Variants in COX15 observed in about 807,000 individuals in gnomAD.
The protein encoded by COX15 is heme A synthase COX15.
A neutral mutation model predicts 51.9 loss-of-function variants in COX15; 51 were observed. The observed-to-expected ratio is 0.98, with a 90% CI of 0.78 to 1.24. The LOEUF is 1.24. COX15 is among the 50% of genes most tolerant of loss of function. The probability of loss-of-function intolerance (pLI) is 0.00; values close to 1 mark genes in which losing one functional copy is unlikely to be tolerated. For synonymous variants in COX15, 188 were observed against 190.5 expected, an observed-to-expected ratio of 0.99 and a Z score of 0.11; for missense variants, 420 against 501.1, an observed-to-expected ratio of 0.84 and a Z score of 1.55.
downstream of COX15, chr10:99,710,184 C>T (rs1474948953): frequency 1.0e-6 from 1 of 985,286 alleles, no homozygotes; most frequent in Non-Finnish European, 1.2e-6. Flanking sequence ...CTAAGTGGCC[C>T]CTCCTACAGA....
chr10:99,721,778 A>C lies in COX15; in HGVS notation c.751-710T>G, dbSNP rs368551182. The stretch of plus-strand genomic sequence containing the variant: ...CATCTACCTAAGGAGAGCTTGAAAC[A>C]TGTGGCTAGTATGACTGAAAATTAA... On this transcript the variant is annotated intron_variant, in intron 5 of 8. Coordinates refer to ENST00000016171, the MANE Select transcript of COX15 (RefSeq NM_078470.6). Among the ~76,000 whole-genome samples the C allele has an allele frequency of 4.2e-3, 644 of 152,294 alleles. 5 individuals carry two copies. Among genetic ancestry groups the C allele is most frequent in the South Asian group, 0.031 (148 of 4,830 alleles).
chr10:99,720,930 G>A (rs1156404225), intron 6 of COX15, 57 bp downstream of exon 6: 2 of 1,377,094 alleles, frequency 1.5e-6, no homozygotes, highest in African/African-American at 2.8e-5. Flanking sequence ...CATTAGGCAA[G>A]AGGTCCCAGC....
In COX15 at chr10:99,714,422, C is replaced by T; in HGVS notation, c.*165G>A. 6.7e-7 allele frequency: 1 copy of T among 1,492,816 alleles called. No individual in the cohort carries two copies. Among genetic ancestry groups the T allele is most frequent in the Non-Finnish European group, 8.9e-7 (1 of 1,124,178 alleles). 92.5% of individuals were successfully genotyped at this position (1,492,816 alleles called of 1,614,324 possible). A position where few individuals can be genotyped will look rare whatever the true frequency, so the allele number is the denominator to read the frequency against. On this transcript the variant is annotated 3_prime_UTR_variant, in exon 9 of 9. Coordinates refer to ENST00000016171, the MANE Select transcript of COX15 (RefSeq NM_078470.6). ...TTAGGGTAACCACACTTAATGCATT[C>T]TTGATCCAGTGACTATCTCAAAACA...
downstream of COX15, chr10:99,706,279 G>A (rs554679618): frequency 2.6e-5 from 4 of 151,824 alleles, no homozygotes; most frequent in Admixed American, 6.6e-5. Flanking sequence ...AAGATGACCA[G>A]TCTTGTATTG....
the COX15 span, among the ~76,000 whole-genome samples, chr10:99,694,738 T>C: frequency 3.9e-5 from 6 of 152,140 alleles, no homozygotes; most frequent in Non-Finnish European, 7.4e-5. Context: ...AGTTTCACCA[T>C]GTTGGCCAGG....
At chr10:99,703,980 C>T in the COX15 span, among the ~76,000 whole-genome samples, 1 of 152,176 alleles carries the variant, frequency 6.6e-6, no homozygotes. Flanking sequence ...CCTGGCCTGG[C>T]CTCCCAAAGT....
chr10:99,697,157 T>C, the COX15 span, among the ~76,000 whole-genome samples: 1 of 152,214 alleles, frequency 6.6e-6, no homozygotes, highest in Admixed American at 6.5e-5. Flanking sequence ...TTGTAAGTCT[T>C]AGTCTCTAGG....
At chr10:99,703,531 A>G in the COX15 span, among the ~76,000 whole-genome samples, 1 of 152,244 alleles carries the variant, frequency 6.6e-6, no homozygotes, top group Admixed American at 6.5e-5. Context: ...CTAGAAGAAC[A>G]CTGCAGGTCA....
chr10:99,724,937 G>A (rs917309178), intron 4 of COX15, among the ~76,000 whole-genome samples: 4 of 152,292 alleles, frequency 2.6e-5, no homozygotes, highest in South Asian at 4.1e-4. Flanking sequence ...TTCCCACTCC[G>A]CTTTAAGCAA....
chr10:99,722,156 G>A (rs762652187), intron 5 of COX15, among the ~76,000 whole-genome samples: 6 of 152,094 alleles, frequency 3.9e-5, no homozygotes, highest in East Asian at 1.9e-4. Flanking sequence ...GTGAGCCACC[G>A]TGCCCAGCCT....
chr10:99,699,517 C>T, the COX15 span, among the ~76,000 whole-genome samples: 150 of 152,262 alleles, frequency 9.9e-4, no homozygotes, highest in African/African-American at 3.3e-3. Flanking sequence ...TGAATTGTTG[C>T]GTGTCTCTAT....
At chr10:99,695,053 A>G in the COX15 span, among the ~76,000 whole-genome samples, 1 of 152,232 alleles carries the variant, frequency 6.6e-6, no homozygotes, top group Admixed American at 6.5e-5. Context: ...AAATAAAGCA[A>G]AAGAGAGGCT....
Position 99,718,481 on chromosome 10 carries a change from T to C in COX15, c.852A>G (p.Leu284=), listed in dbSNP as rs750767017. ...TALSGAFVAG[L]DAGLVYNSFP... ...AGGAGTTATAAACAAGCCCAGCATCTAGCCCTGCCACAAAAGCCCCTGTAT... is the reference window on the plus strand; with the variant it reads ...AGGAGTTATAAACAAGCCCAGCATCCAGCCCTGCCACAAAAGCCCCTGTAT... The change falls in exon 7 of 9, where the codon CTA becomes CTG. Residue 284 remains leucine, a synonymous_variant. Coordinates refer to ENST00000016171, the MANE Select transcript of COX15 (RefSeq NM_078470.6). The C allele has an allele frequency of 5.6e-6, 9 of 1,614,172 alleles. No homozygotes were observed. The highest frequency in any genetic ancestry group is 6.8e-6 in the Non-Finnish European group (8 of 1,180,018).
the COX15 span, chr10:99,704,368 A>G: frequency 3.0e-6 from 4 of 1,320,544 alleles, no homozygotes; most frequent in Non-Finnish European, 4.3e-6. Context: ...ATGTGATAAC[A>G]CTACTGGGCC....
At chr10:99,726,030 C>CT (rs969291551) in intron 4 of COX15, among the ~76,000 whole-genome samples, 40 of 149,150 alleles carry the variant, frequency 2.7e-4, no homozygotes, top group Middle Eastern at 3.5e-3. Flanking sequence ...TTTCACCCAA[C>CT]TTTTTTTTTT....
In COX15 at chr10:99,714,610, C is replaced by A; in HGVS notation, c.1210G>T (p.Glu404Ter). 6.2e-7 allele frequency: 1 copy of A among 1,614,148 alleles called. No individual in the cohort carries two copies. Among genetic ancestry groups the A allele is most frequent in the Non-Finnish European group, 8.5e-7 (1 of 1,180,030 alleles). Reference sequence around the variant, plus strand: ...AATCATTTTGGGACTCTTCGGAGTTCATTCATCAGCCAAAGAGCACCAGTG... The same window carrying A: ...AATCATTTTGGGACTCTTCGGAGTTAATTCATCAGCCAAAGAGCACCAGTG... ...LLTGALWLMNELRRVPK is the reference protein window; with the variant it reads ...LLTGALWLMN Residue 404 changes from glutamate to a stop codon, truncating the protein, a stop_gained, in exon 9 of 9, where the codon GAA (glutamate) becomes TAA (stop). Coordinates refer to ENST00000016171, the MANE Select transcript of COX15 (RefSeq NM_078470.6). LOFTEE classifies it high-confidence loss of function.
At chr10:99,699,702 T>C in the COX15 span, among the ~76,000 whole-genome samples, 2 of 152,160 alleles carry the variant, frequency 1.3e-5, no homozygotes, top group African/African-American at 2.4e-5. Flanking sequence ...GTAGCTGGGA[T>C]TACAGATGCC....
At chr10:99,710,797 G>C (rs1417623713), downstream of COX15, 1 of 985,198 alleles carries the variant, frequency 1.0e-6, no homozygotes, top group East Asian at 1.1e-4. Context: ...GGAGTTGCTA[G>C]TCATTACCCC....
downstream of COX15, among the ~76,000 whole-genome samples, chr10:99,708,166 C>T (rs1225526472): frequency 6.6e-6 from 1 of 152,248 alleles, no homozygotes; most frequent in East Asian, 1.9e-4. Context: ...CCTGCCCCAC[C>T]CCCTCCTCAT....
Sources: gnomAD v4.1 joint callset for allele counts (sites outside exome capture counted in the v4.1 genomes callset) on GRCh38, gnomAD v4.1.1 for gene constraint, MANE v1.5 for transcripts, NCBI Gene and HGNC (gene_info 2026-07-23, HGNC 2026-07-21) for gene names.